Variants in GOLM1 observed in about 807,000 individuals in gnomAD.
GOLM1 encodes the protein golgi membrane protein 1, also known as epididymis luminal protein 46.
A neutral mutation model predicts 50.5 loss-of-function variants in GOLM1; 31 were observed. That is an observed-to-expected ratio of 0.61 (90% CI 0.46 to 0.83). The LOEUF (loss-of-function observed/expected upper bound fraction) is 0.83. Ranked by LOEUF, GOLM1 falls within the 40% of genes least tolerant of loss-of-function variation. The pLI is 0.00. For synonymous variants in GOLM1, 178 were observed against 192.8 expected, an observed-to-expected ratio of 0.92 and a Z score of 0.64; for missense variants, 491 against 501.3, an observed-to-expected ratio of 0.98 and a Z score of 0.20.
At chr9:86,035,194 C>G (rs1833095132) in intron 8 of GOLM1, 174 bp downstream of exon 8, 1 of 985,352 alleles carries the variant, frequency 1.0e-6, no homozygotes, top group Non-Finnish European at 1.2e-6. Context: ...GCTCTTCCTT[C>G]CTGCCTCCCT....
intron 1 of GOLM1, among the ~76,000 whole-genome samples, chr9:86,089,465 T>C (rs984172765): frequency 6.6e-6 from 1 of 152,168 alleles, no homozygotes; most frequent in Non-Finnish European, 1.5e-5. Context: ...TTTTCATTCT[T>C]TTTTTCTCTA....
At chr9:86,042,595 T>G (rs1206638533) in intron 5 of GOLM1, among the ~76,000 whole-genome samples, 2 of 152,064 alleles carry the variant, frequency 1.3e-5, no homozygotes, top group African/African-American at 2.4e-5. Context: ...TAAATACAAT[T>G]CTCACAAATA....
intron 9 of GOLM1, 43 bp from the exon 10 acceptor site, chr9:86,027,936 A>T: frequency 3.4e-6 from 4 of 1,191,970 alleles, no homozygotes; most frequent in Non-Finnish European, 4.9e-6. Context: ...GTATTAAATG[A>T]GATACTAGCC....
chr9:86,092,726 AC>A (rs1288473851), intron 1 of GOLM1, among the ~76,000 whole-genome samples: 1 of 152,168 alleles, frequency 6.6e-6, no homozygotes, highest in East Asian at 1.9e-4. Flanking sequence ...GACTGTAGAA[AC>A]CCTTGCTGCT....
intron 4 of GOLM1, among the ~76,000 whole-genome samples, chr9:86,051,080 T>C (rs1833732035): frequency 6.6e-6 from 1 of 152,334 alleles, no homozygotes; most frequent in Middle Eastern, 3.4e-3. Context: ...TTCTCATTGA[T>C]TTCAAATAAC....
chr9:86,050,827 T>C (rs1731542045), intron 4 of GOLM1, among the ~76,000 whole-genome samples: 1 of 152,226 alleles, frequency 6.6e-6, no homozygotes, highest in African/African-American at 2.4e-5. Flanking sequence ...CCTGGATTCA[T>C]TGATTTTTTG....
At chr9:86,042,009 C>T (rs1175285994) in intron 5 of GOLM1, among the ~76,000 whole-genome samples, 1 of 152,046 alleles carries the variant, frequency 6.6e-6, no homozygotes, top group South Asian at 2.1e-4. Flanking sequence ...CCCAGCTACT[C>T]GGGAGGCTGA....
Position 86,049,282 on chromosome 9 carries a change from T to C in GOLM1, c.365-2710A>G, listed in dbSNP as rs373689684. Among the ~76,000 whole-genome samples, 187 of 152,350 alleles carry C rather than the reference T, an allele frequency of 1.2e-3. 4 individuals are homozygous for C. In the South Asian group the frequency reaches 0.033, roughly 27 times the overall value. ...TGCTTTGGTTACTGTAGCCTTGTAG[T>C]ACAGTTTGAGGTCACGTAGCGTAAT... On this transcript the variant is annotated intron_variant, in intron 4 of 9. Transcript: ENST00000388712.
At chr9:86,045,232 TC>T (rs1833498792) in intron 5 of GOLM1, among the ~76,000 whole-genome samples, 1 of 151,352 alleles carries the variant, frequency 6.6e-6, no homozygotes, top group African/African-American at 2.4e-5. Flanking sequence ...GCGCCTGTAG[TC>T]CCAGCTACTC....
chr9:86,027,524 T>C lies in GOLM1; in HGVS notation c.*293A>G, dbSNP rs1230373406. 2 of 1,189,598 alleles carry C rather than the reference T, an allele frequency of 1.7e-6. No homozygotes were observed. Among genetic ancestry groups the C allele is most frequent in the African/African-American group, 3.2e-5 (2 of 62,468 alleles). The allele number at this position is 1,189,598 out of a possible 1,614,324, so 73.7% of individuals were successfully genotyped here. On this transcript the variant is annotated 3_prime_UTR_variant, in exon 10 of 10. Coordinates refer to ENST00000388712, the MANE Select transcript of GOLM1 (RefSeq NM_016548.4). Reference sequence around the variant, plus strand: ...ATTCCAGAATCAGGAAGCCCCGCTGTCGCCAACACTTGAAGGAGAACTATG... The same window carrying C: ...ATTCCAGAATCAGGAAGCCCCGCTGCCGCCAACACTTGAAGGAGAACTATG...
intron 5 of GOLM1, among the ~76,000 whole-genome samples, chr9:86,042,488 T>C (rs1833388720): frequency 6.7e-6 from 1 of 150,168 alleles, no homozygotes; most frequent in Non-Finnish European, 1.5e-5. Flanking sequence ...TGGGTCACAA[T>C]GTACCACACA....
chr9:86,079,092 C>T (rs564068288), intron 2 of GOLM1, 100 bp downstream of exon 2: 1 of 1,117,648 alleles, frequency 8.9e-7, no homozygotes, highest in South Asian at 1.8e-5. Context: ...GCACAAAACG[C>T]CCTGGCTGGC....
chr9:86,089,588 CTG>C (rs757724858), intron 1 of GOLM1, among the ~76,000 whole-genome samples: 4 of 152,192 alleles, frequency 2.6e-5, no homozygotes, highest in East Asian at 1.9e-4. Context: ...AGTTCTCGTG[CTG>C]TGTTTTTCAG....
chr9:86,029,065 G>A (rs867160548), intron 9 of GOLM1, among the ~76,000 whole-genome samples: 1 of 151,806 alleles, frequency 6.6e-6, no homozygotes, highest in Admixed American at 6.6e-5. Context: ...CACCCTGTTA[G>A]CCAGGATGAT....
intron 3 of GOLM1, among the ~76,000 whole-genome samples, chr9:86,060,274 G>A (rs1276101935): frequency 6.6e-6 from 1 of 152,076 alleles, no homozygotes; most frequent in Admixed American, 6.6e-5. Flanking sequence ...AAGAAGGTGG[G>A]GGCAAAGAGG....
intron 4 of GOLM1, among the ~76,000 whole-genome samples, chr9:86,048,236 G>C (rs1269889184): frequency 2.0e-5 from 3 of 152,044 alleles, no homozygotes; most frequent in Non-Finnish European, 4.4e-5. Flanking sequence ...GTATTCCATG[G>C]TGTATATGTG....
chr9:86,087,237 G>C (rs148392463), intron 1 of GOLM1, among the ~76,000 whole-genome samples: 2,929 of 152,228 alleles, frequency 0.019, 34 homozygotes, highest in Middle Eastern at 0.068. Flanking sequence ...GCTCATTCAT[G>C]ATTTGGCTGT....
intron 5 of GOLM1, among the ~76,000 whole-genome samples, chr9:86,045,673 A>AG (rs1368193576): frequency 1.4e-5 from 2 of 143,526 alleles, no homozygotes; most frequent in East Asian, 4.6e-4. Flanking sequence ...ACTCCGCTCA[A>AG]GAAAAAAAAA....
intron 1 of GOLM1, among the ~76,000 whole-genome samples, chr9:86,080,723 T>C (rs1429435016): frequency 6.6e-6 from 1 of 151,986 alleles, no homozygotes; most frequent in East Asian, 1.9e-4. Context: ...TTCCCACGGG[T>C]GGAAATTCTG....
Sources: allele counts gnomAD v4.1 joint callset (sites outside exome capture counted in the v4.1 genomes callset), GRCh38; gene constraint gnomAD v4.1.1; transcripts MANE v1.5; gene names NCBI Gene and HGNC (gene_info 2026-07-23, HGNC 2026-07-21).